The following ENPP6 variants were observed in gnomAD, a reference collection of about 807,000 sequenced individuals.
ENPP6 encodes the protein ectonucleotide pyrophosphatase/phosphodiesterase 6.
Under a neutral mutation model 42.0 loss-of-function variants are expected in ENPP6, and 32 were observed. The observed-to-expected ratio is 0.76, with a 90% CI of 0.58 to 1.02. The LOEUF is 1.02. Ranked by LOEUF, ENPP6 falls within the 50% of genes least tolerant of loss-of-function variation. ENPP6 has a pLI of 0.00. For missense variants in ENPP6, 552 were observed against 566.8 expected (o/e 0.97, Z 0.27); for synonymous variants, 213 against 216.0 (o/e 0.99, Z 0.12).
intron 4 of ENPP6, among the ~76,000 whole-genome samples, chr4:184,117,283 G>A (rs943587290): frequency 2.6e-5 from 4 of 152,210 alleles, no homozygotes; most frequent in Admixed American, 6.5e-5. Context: ...TTTTAAGGTC[G>A]ACGCTCTGCA....
chr4:184,115,821 G>T (rs1736303654), intron 5 of ENPP6, among the ~76,000 whole-genome samples: 2 of 152,194 alleles, frequency 1.3e-5, no homozygotes, highest in Non-Finnish European at 2.9e-5. Context: ...GACAGAAACA[G>T]ATCAGCCTGG....
chr4:184,134,361 T>C (rs1736694263), intron 2 of ENPP6, among the ~76,000 whole-genome samples: 1 of 152,160 alleles, frequency 6.6e-6, no homozygotes, highest in South Asian at 2.1e-4. Context: ...ACTTCACTAG[T>C]GGAGTGTCTA....
Position 184,117,887 on chromosome 4 carries a change from C to G in ENPP6, c.547G>C (p.Asp183His). 6.2e-7 allele frequency: 1 copy of G among 1,614,072 alleles called. No individual in the cohort carries two copies. Among genetic ancestry groups the G allele is most frequent in the South Asian group, 1.1e-5 (1 of 91,070 alleles). ...ALDSFKSGRA[D>H]LAAIYHERID... ...CGCTCATGGTATATGGCTGCCAGGT[C>G]GGCCCGGCCACTCCTGGAGGGACAG... Residue 183 changes from aspartate (D) to histidine (H), a missense_variant, in exon 4 of 8, where the codon GAC (aspartate) becomes CAC (histidine). By Grantham distance (81) the Asp-to-His change is moderately conservative. Coordinates refer to ENST00000296741, the MANE Select transcript of ENPP6 (RefSeq NM_153343.4).
At chr4:184,179,481 C>T (rs1428325709) in intron 1 of ENPP6, among the ~76,000 whole-genome samples, 1 of 152,150 alleles carries the variant, frequency 6.6e-6, no homozygotes, top group Non-Finnish European at 1.5e-5. Context: ...CAAAGATATT[C>T]AGGACTTGAA....
chr4:184,169,132 C>T (rs1031849192), intron 1 of ENPP6, among the ~76,000 whole-genome samples: 4 of 152,194 alleles, frequency 2.6e-5, no homozygotes, highest in African/African-American at 9.7e-5. Flanking sequence ...CCTCCAAAGG[C>T]GAAATTCCTC....
chr4:184,180,796 G>A (rs1489168716), intron 1 of ENPP6, among the ~76,000 whole-genome samples: 3 of 152,098 alleles, frequency 2.0e-5, no homozygotes, highest in South Asian at 2.1e-4. Flanking sequence ...AAAGGCCTTC[G>A]ATAAAATTCA....
intron 1 of ENPP6, among the ~76,000 whole-genome samples, chr4:184,160,259 A>C (rs913552933): frequency 2.0e-5 from 3 of 152,218 alleles, no homozygotes; most frequent in African/African-American, 7.2e-5. Flanking sequence ...ACTGGTTTAC[A>C]TTCTCACCAG....
chr4:184,194,938 G>A (rs1243047086), intron 1 of ENPP6, among the ~76,000 whole-genome samples: 4 of 152,134 alleles, frequency 2.6e-5, no homozygotes. Context: ...CTAGACCTCA[G>A]CAGGAAAAAG....
chr4:184,139,644 A>C (rs1736788629), intron 2 of ENPP6, among the ~76,000 whole-genome samples: 1 of 83,474 alleles, frequency 1.2e-5, no homozygotes, highest in Non-Finnish European at 2.8e-5. Context: ...TTTACTGAGA[A>C]TGATGATTTC....
intron 2 of ENPP6, among the ~76,000 whole-genome samples, chr4:184,131,256 T>TC (rs1560987456): frequency 6.1e-4 from 24 of 39,528 alleles, no homozygotes; most frequent in South Asian, 1.9e-3. Context: ...TTCTTTCTCT[T>TC]TCTCTTCCTT....
chr4:184,130,429 G>A (rs1227663803), intron 2 of ENPP6, among the ~76,000 whole-genome samples: 2 of 106,732 alleles, frequency 1.9e-5, no homozygotes, highest in African/African-American at 7.0e-5. Context: ...GTGGTGGTGG[G>A]CACCTGTAGT....
Position 184,105,857 on chromosome 4 carries a change from T to C in ENPP6, c.993+6815A>G, listed in dbSNP as rs1736080493. On this transcript the variant is annotated intron_variant, in intron 6 of 7. Transcript: ENST00000296741. ...CTAATTAAAGGTGTATGAAATCACA[T>C]TGACAGTCTGTTTAGTGGGTCAGTG... Among the ~76,000 whole-genome samples the C allele has an allele frequency of 2.6e-5, 4 of 152,198 alleles. No homozygotes were observed. The South Asian group carries it at 6.2e-4, about 24-fold the overall frequency.
rs77012683 is a variant in ENPP6 at position 184,173,943 on chromosome 4, G to C, written c.242-20210C>G. On this transcript the variant is annotated intron_variant, in intron 1 of 7. Coordinates refer to ENST00000296741, the MANE Select transcript of ENPP6 (RefSeq NM_153343.4). ...GAGATCCATCCCGGGGGGACACCTG[G>C]TGGGTCACATCTGGGAACACTGCAG... Among the ~76,000 whole-genome samples, 1,156 of 152,254 alleles carry C rather than the reference G, an allele frequency of 7.6e-3. 19 individuals are homozygous for C. Among genetic ancestry groups the C allele is most frequent in the African/African-American group, 0.025 (1,033 of 41,524 alleles).
chr4:184,106,059 T>A (rs1426384678), intron 6 of ENPP6, among the ~76,000 whole-genome samples: 1 of 147,498 alleles, frequency 6.8e-6, no homozygotes, highest in East Asian at 2.1e-4. Context: ...TTTTTTGAGA[T>A]GGAATCTCTC....
At chr4:184,092,235 C>T (rs1388072368) in intron 7 of ENPP6, among the ~76,000 whole-genome samples, 2 of 152,126 alleles carry the variant, frequency 1.3e-5, no homozygotes, top group Non-Finnish European at 2.9e-5. Flanking sequence ...GCAGTTTTCT[C>T]GGTGCTCGCT....
At chr4:184,201,128 C>G (rs537587340) in intron 1 of ENPP6, among the ~76,000 whole-genome samples, 4 of 152,252 alleles carry the variant, frequency 2.6e-5, no homozygotes, top group African/African-American at 9.6e-5. Context: ...CCCCAGGACC[C>G]CCAGCTCTGC....
Position 184,097,884 on chromosome 4 carries a change from G to C in ENPP6, c.994-516C>G, listed in dbSNP as rs111398328. 8.2e-3 allele frequency among the ~76,000 whole-genome samples: 1,239 copies of C among 152,014 alleles called. 26 individuals are homozygous for C. The highest frequency in any genetic ancestry group is 0.028 in the African/African-American group (1,168 of 41,326). On this transcript the variant is annotated intron_variant, in intron 6 of 7. Coordinates refer to ENST00000296741, the MANE Select transcript of ENPP6 (RefSeq NM_153343.4). ...TTCAGGGTGGGGACTGGCCACCAGA[G>C]GAACCAGACCGGGGGAGGGAAGAGG... is the stretch of plus-strand genomic sequence containing the variant.
intron 7 of ENPP6, among the ~76,000 whole-genome samples, chr4:184,092,494 G>A (rs1450709888): frequency 3.9e-5 from 6 of 152,188 alleles, no homozygotes; most frequent in East Asian, 1.9e-4. Context: ...CACGCAGCAC[G>A]GTGAGTGAGG....
chr4:184,106,330 C>T (rs192942168), intron 6 of ENPP6, among the ~76,000 whole-genome samples: 33 of 152,232 alleles, frequency 2.2e-4, no homozygotes, highest in African/African-American at 7.2e-4. Flanking sequence ...CCACCATGTC[C>T]GGCCACAAAA....
Sources: allele counts gnomAD v4.1 joint callset (sites outside exome capture counted in the v4.1 genomes callset), GRCh38; gene constraint gnomAD v4.1.1; transcripts MANE v1.5; gene names NCBI Gene and HGNC (gene_info 2026-07-23, HGNC 2026-07-21).